TMEM115: variants seen among roughly 807,000 people sequenced by gnomAD.
The protein encoded by TMEM115 is transmembrane protein 115, also known as PP6.
TMEM115 carries 8 observed loss-of-function variants against 20.1 expected under a neutral mutation model. The ratio of observed to expected loss-of-function variants is 0.40; its 90% confidence interval spans 0.23 to 0.72. The LOEUF (loss-of-function observed/expected upper bound fraction) is 0.72. Ranked by LOEUF, TMEM115 falls within the 30% of genes least tolerant of loss-of-function variation. The pLI is 0.39. For synonymous variants in TMEM115, 229 were observed against 206.2 expected (o/e 1.11, Z -0.95); for missense variants, 374 against 455.1 (o/e 0.82, Z 1.62).
rs1016151838 is a variant in TMEM115 at position 50,358,941 on chromosome 3, G to A, written c.123C>T (p.Asp41=). ...CCGGGGTGACCGCCAGGCAGCCTGTGTCCACGGCGAAGGAGAGCAGGTAGA... is the reference window on the plus strand; with the variant it reads ...CCGGGGTGACCGCCAGGCAGCCTGTATCCACGGCGAAGGAGAGCAGGTAGA... The part of the protein sequence containing the change: ...LFLYLLSFAV[D]TGCLAVTPGY... Residue 41 remains aspartate, a synonymous_variant, in exon 1 of 2, where the codon GAC becomes GAT. Coordinates refer to ENST00000266025, the MANE Select transcript of TMEM115 (RefSeq NM_007024.5). 3.1e-6 allele frequency: 5 copies of A among 1,612,368 alleles called. No individual in the cohort carries two copies. The highest frequency in any genetic ancestry group is 1.7e-5 in the Admixed American group (1 of 59,894).
chr3:50,355,304 G>A lies in TMEM115; in HGVS notation c.*39C>T. The A allele has an allele frequency of 7.1e-7, 1 of 1,408,696 alleles. No homozygotes were observed. The highest frequency in any genetic ancestry group is 9.5e-7 in the Non-Finnish European group (1 of 1,054,826). The allele number at this position is 1,408,696 out of a possible 1,614,324, so 87.3% of individuals were successfully genotyped here. A position where few individuals can be genotyped will look rare whatever the true frequency, so the allele number is the denominator to read the frequency against. ...AGTAGCTGAGAGGATGTCAAGGGGGGCTTGGGAGGGGAGGTGCCACACTCA... is the reference window on the plus strand; with the variant it reads ...AGTAGCTGAGAGGATGTCAAGGGGGACTTGGGAGGGGAGGTGCCACACTCA... On this transcript the variant is annotated 3_prime_UTR_variant, in exon 2 of 2. Coordinates refer to ENST00000266025, the MANE Select transcript of TMEM115 (RefSeq NM_007024.5).
rs997559161 is a variant in TMEM115, at chr3:50,355,143, G to C, written c.*200C>G. The C allele has an allele frequency of 2.4e-6, 1 of 424,698 alleles. No homozygotes were observed. Among genetic ancestry groups the C allele is most frequent in the Non-Finnish European group, 4.2e-6 (1 of 239,276 alleles). The allele number at this position is 424,698 out of a possible 1,614,324, so 26.3% of individuals were successfully genotyped here. A position where few individuals can be genotyped will look rare whatever the true frequency, so the allele number is the denominator to read the frequency against. On this transcript the variant is annotated 3_prime_UTR_variant, in exon 2 of 2. Transcript: ENST00000266025. ...GACTGGCCGATGCCTCAGAGGCTCC[G>C]GGCCTGGCATAGTGGTTGTCTGGAG...
rs777893446 is a variant in TMEM115 at position 50,358,881 on chromosome 3, G to A, written c.183C>T (p.Thr61=). ...GCTCCATCAGCCCATGGGTGGCCAG[G>A]GTCCAGATCCAGAAGTTGGGAGGAA... is the stretch of plus-strand genomic sequence containing the variant. ...YLFPPNFWIW[T]LATHGLMEQH... The change falls in exon 1 of 2, where the codon ACC becomes ACT. Residue 61 remains threonine (T), a synonymous_variant. Coordinates refer to ENST00000266025, the MANE Select transcript of TMEM115 (RefSeq NM_007024.5). The A allele has an allele frequency of 6.2e-7, 1 of 1,613,270 alleles. No homozygotes were observed. Among genetic ancestry groups the A allele is most frequent in the Non-Finnish European group, 8.5e-7 (1 of 1,180,012 alleles).
Position 50,355,352 on chromosome 3 carries a change from C to G in TMEM115, c.1047G>C (p.Pro349=). Residue 349 remains proline (P), a synonymous_variant, in exon 2 of 2, where the codon CCG becomes CCC. Coordinates refer to ENST00000266025, the MANE Select transcript of TMEM115 (RefSeq NM_007024.5). Reference sequence around the variant, plus strand: ...TCAAGGTGGTCTGGAGTTACAGCGTCGGGGGAGCTGCCTCGAAGGTGATTA... The same window carrying G: ...TCAAGGTGGTCTGGAGTTACAGCGTGGGGGGAGCTGCCTCGAAGGTGATTA... ...SSLITFEAAP[P]TL The G allele has an allele frequency of 1.3e-6, 2 of 1,494,034 alleles. No homozygotes were observed. The highest frequency in any genetic ancestry group is 1.8e-6 in the Non-Finnish European group (2 of 1,118,712). The allele number at this position is 1,494,034 out of a possible 1,614,324, so 92.5% of individuals were successfully genotyped here. A position where few individuals can be genotyped will look rare whatever the true frequency, so the allele number is the denominator to read the frequency against.
At position 50,358,206 on chromosome 3, in the gene TMEM115, A is replaced by C. The variant is rs1703906086; in HGVS notation, c.851+7T>G. On this transcript the variant is annotated splice_region_variant and intron_variant, in intron 1 of 1. Coordinates refer to ENST00000266025, the MANE Select transcript of TMEM115 (RefSeq NM_007024.5). ...GCTTGACAAGATTTTGGAAAATTTC[A>C]CAGTACCTTCTCCGCTCGGCGTCTT... The C allele has an allele frequency of 6.2e-7, 1 of 1,610,016 alleles. No homozygotes were observed. The highest frequency in any genetic ancestry group is 8.5e-7 in the Non-Finnish European group (1 of 1,176,836).
chr3:50,358,864 A>C lies in TMEM115; in HGVS notation c.200T>G (p.Leu67Arg). The C allele has an allele frequency of 6.2e-7, 1 of 1,613,310 alleles. No individual in the cohort carries two copies. ...CACGTCCCACACATGCTGCTCCATC[A>C]GCCCATGGGTGGCCAGGGTCCAGAT... ...FWIWTLATHGLMEQHVWDVAI... is the reference protein window; with the variant it reads ...FWIWTLATHGRMEQHVWDVAI... The change falls in exon 1 of 2, where the codon CTG becomes CGG. Residue 67 changes from leucine to arginine, a missense_variant. Transcript: ENST00000266025.
In TMEM115 at chr3:50,358,772, G is replaced by A; in HGVS notation, c.292C>T (p.Leu98=). The change falls in exon 1 of 2, where the codon CTG becomes TTG. Residue 98 remains leucine, a synonymous_variant. Coordinates refer to ENST00000266025, the MANE Select transcript of TMEM115 (RefSeq NM_007024.5). The part of the protein sequence containing the change: ...LLEPLWGALE[L]LIFFSVVNVS... The stretch of plus-strand genomic sequence containing the variant: ...TTCACCACTGAGAAGAAGATGAGCA[G>A]CTCCAAGGCCCCCCAGAGGGGCTCC... 1 of 1,613,430 alleles carries A rather than the reference G, an allele frequency of 6.2e-7. No homozygotes were observed. Among genetic ancestry groups the A allele is most frequent in the Non-Finnish European group, 8.5e-7 (1 of 1,180,046 alleles).
At chr3:50,358,135 G>C (rs1224956635) in intron 1 of TMEM115, 78 bp downstream of exon 1, 2 of 1,556,048 alleles carry the variant, frequency 1.3e-6, no homozygotes, top group African/African-American at 2.7e-5. Flanking sequence ...CCTATGTACA[G>C]CGAACACCTC....
Position 50,358,301 on chromosome 3 carries a change from T to C in TMEM115, c.763A>G (p.Lys255Glu). Residue 255 changes from lysine (K) to glutamate (E), a missense_variant, in exon 1 of 2, where the codon AAG (lysine) becomes GAG (glutamate). Physicochemically the swap from Lys to Glu is moderately conservative, Grantham distance 56 (BLOSUM62 1). Transcript: ENST00000266025. ...SLLVKVKICQ[K>E]TVKRYDVGAP... ...CCCACATCGTAGCGCTTCACCGTCT[T>C]CTGGCATATCTTTACCTTCACCAGG... The C allele has an allele frequency of 6.2e-7, 1 of 1,613,818 alleles. No homozygotes were observed. The highest frequency in any genetic ancestry group is 1.6e-4 in the Middle Eastern group (1 of 6,062).
Position 50,359,195 on chromosome 3 carries a change from C to T in TMEM115, c.-132G>A. The T allele has an allele frequency of 2.9e-6, 4 of 1,364,930 alleles. No homozygotes were observed. The highest frequency in any genetic ancestry group is 2.9e-6 in the Non-Finnish European group (3 of 1,034,372). The allele number at this position is 1,364,930 out of a possible 1,614,324, so 84.6% of individuals were successfully genotyped here. A position where few individuals can be genotyped will look rare whatever the true frequency, so the allele number is the denominator to read the frequency against. On this transcript the variant is annotated 5_prime_UTR_variant, in exon 1 of 2. Coordinates refer to ENST00000266025, the MANE Select transcript of TMEM115 (RefSeq NM_007024.5). ...CTGGCCTATGGCCCTGGTAAAGGAT[C>T]CGCTTCCGATCGGGTGGGGCTCTGG...
In TMEM115 at chr3:50,358,849, A is replaced by G; in HGVS notation, c.215T>C (p.Val72Ala). The G allele has an allele frequency of 6.2e-7, 1 of 1,613,284 alleles. No individual in the cohort carries two copies. The highest frequency in any genetic ancestry group is 1.1e-5 in the South Asian group (1 of 91,090). ...LATHGLMEQHVWDVAISLTTV... is the reference protein window; with the variant it reads ...LATHGLMEQHAWDVAISLTTV... ...TGTCAGGCTGATGGCCACGTCCCACACATGCTGCTCCATCAGCCCATGGGT... is the reference window on the plus strand; with the variant it reads ...TGTCAGGCTGATGGCCACGTCCCACGCATGCTGCTCCATCAGCCCATGGGT... Residue 72 changes from valine (V) to alanine (A), a missense_variant, in exon 1 of 2, where the codon GTG becomes GCG. Transcript: ENST00000266025.
chr3:50,359,148 A>C lies in TMEM115; in HGVS notation c.-85T>G. ...CTCGTCCTAGTCCGGCCCCGATGGG[A>C]GGCCCAGGCCCGGCCTAGTCACTGG... is the stretch of plus-strand genomic sequence containing the variant. On this transcript the variant is annotated 5_prime_UTR_variant, in exon 1 of 2. Coordinates refer to ENST00000266025, the MANE Select transcript of TMEM115 (RefSeq NM_007024.5). 1.4e-6 allele frequency: 2 copies of C among 1,415,440 alleles called. No homozygotes were observed. Among genetic ancestry groups the C allele is most frequent in the Non-Finnish European group, 1.9e-6 (2 of 1,080,422 alleles). 87.7% of individuals were successfully genotyped at this position (1,415,440 alleles called of 1,614,324 possible).
rs777045193 is a variant in TMEM115, at chr3:50,355,367, G to A, written c.1032C>T (p.Phe344=). The part of the protein sequence containing the change: ...GAAPESSLIT[F]EAAPPTL ...GTTACAGCGTCGGGGGAGCTGCCTC[G>A]AAGGTGATTAGACTGGATTCTGGGG... Residue 344 remains phenylalanine, a synonymous_variant, in exon 2 of 2, where the codon TTC becomes TTT. Coordinates refer to ENST00000266025, the MANE Select transcript of TMEM115 (RefSeq NM_007024.5). 3.4e-5 allele frequency: 52 copies of A among 1,514,814 alleles called. No homozygotes were observed. Among genetic ancestry groups the A allele is most frequent in the Middle Eastern group, 1.8e-4 (1 of 5,674 alleles). 93.8% of individuals were successfully genotyped at this position (1,514,814 alleles called of 1,614,324 possible).
At position 50,358,770 on chromosome 3, in the gene TMEM115, C is replaced by T; in HGVS notation, c.294G>A (p.Leu98=). 1 of 1,613,416 alleles carries T rather than the reference C, an allele frequency of 6.2e-7. No homozygotes were observed. The highest frequency in any genetic ancestry group is 8.5e-7 in the Non-Finnish European group (1 of 1,180,044). The stretch of plus-strand genomic sequence containing the variant: ...CATTCACCACTGAGAAGAAGATGAG[C>T]AGCTCCAAGGCCCCCCAGAGGGGCT... The part of the protein sequence containing the change: ...LLEPLWGALE[L]LIFFSVVNVS... Residue 98 remains leucine, a synonymous_variant, in exon 1 of 2, where the codon CTG becomes CTA. Transcript: ENST00000266025.
At position 50,358,769 on chromosome 3, in the gene TMEM115, G is replaced by A; in HGVS notation, c.295C>T (p.Leu99Phe). 1 of 1,613,408 alleles carries A rather than the reference G, an allele frequency of 6.2e-7. No individual in the cohort carries two copies. The highest frequency in any genetic ancestry group is 8.5e-7 in the Non-Finnish European group (1 of 1,180,042). The change falls in exon 1 of 2, where the codon CTC (leucine) becomes TTC (phenylalanine). Residue 99 changes from leucine to phenylalanine, a missense_variant. Leu to Phe is a conservative substitution (Grantham distance 22). Coordinates refer to ENST00000266025, the MANE Select transcript of TMEM115 (RefSeq NM_007024.5). Reference sequence around the variant, plus strand: ...ACATTCACCACTGAGAAGAAGATGAGCAGCTCCAAGGCCCCCCAGAGGGGC... The same window carrying A: ...ACATTCACCACTGAGAAGAAGATGAACAGCTCCAAGGCCCCCCAGAGGGGC... ...LEPLWGALEL[L>F]IFFSVVNVSV...
In TMEM115 at chr3:50,358,651, G is replaced by C; in HGVS notation, c.413C>G (p.Ala138Gly). ...VYLFTVRIHGALGFLGGVLVA... is the reference protein window; with the variant it reads ...VYLFTVRIHGGLGFLGGVLVA... ...CAGGACGCCACCTAGGAAGCCCAAG[G>C]CGCCGTGGATACGGACAGTGAACAG... Residue 138 changes from alanine (A) to glycine (G), a missense_variant, in exon 1 of 2, where the codon GCC becomes GGC. Physicochemically the swap from Ala to Gly is moderately conservative, Grantham distance 60 (BLOSUM62 0). Transcript: ENST00000266025. The C allele has an allele frequency of 1.9e-6, 3 of 1,613,202 alleles. No individual in the cohort carries two copies. The highest frequency in any genetic ancestry group is 2.5e-6 in the Non-Finnish European group (3 of 1,179,920).
rs587714651 is a variant in TMEM115, at chr3:50,355,350, G to A, written c.1049C>T (p.Thr350Met). ...SLITFEAAPP[T>M]L is the part of the protein sequence containing the mutation. ...ACTCAAGGTGGTCTGGAGTTACAGC[G>A]TCGGGGGAGCTGCCTCGAAGGTGAT... is the stretch of plus-strand genomic sequence containing the variant. The change falls in exon 2 of 2, where the codon ACG (threonine) becomes ATG (methionine). Residue 350 changes from threonine (T) to methionine (M), a missense_variant. By Grantham distance (81) the Thr-to-Met change is moderately conservative. Coordinates refer to ENST00000266025, the MANE Select transcript of TMEM115 (RefSeq NM_007024.5). 38 of 1,493,320 alleles carry A rather than the reference G, an allele frequency of 2.5e-5. No homozygotes were observed. The highest frequency in any genetic ancestry group is 6.8e-5 in the South Asian group (5 of 73,022). 92.5% of individuals were successfully genotyped at this position (1,493,320 alleles called of 1,614,324 possible).
At chr3:50,356,296 G>A (rs1225080017) in intron 1 of TMEM115, among the ~76,000 whole-genome samples, 1 of 152,214 alleles carries the variant, frequency 6.6e-6, no homozygotes, top group Non-Finnish European at 1.5e-5. Flanking sequence ...AGGTGGGAAA[G>A]TCCAACAGAA....
chr3:50,356,898 T>C (rs1373037521), intron 1 of TMEM115, among the ~76,000 whole-genome samples: 1 of 152,178 alleles, frequency 6.6e-6, no homozygotes, highest in Non-Finnish European at 1.5e-5. Context: ...TTCCCCCCTG[T>C]CCATTTTCTT....
Sources: allele counts gnomAD v4.1 joint callset (sites outside exome capture counted in the v4.1 genomes callset), GRCh38; gene constraint gnomAD v4.1.1; transcripts MANE v1.5; gene names NCBI Gene and HGNC (gene_info 2026-07-23, HGNC 2026-07-21).